ZBTB40: variants seen among roughly 807,000 people sequenced by gnomAD.
ZBTB40 encodes zinc finger and BTB domain containing 40, also known as zinc finger and BTB domain-containing protein 40.
A neutral mutation model predicts 117.5 loss-of-function variants in ZBTB40; 60 were observed. The ratio of observed to expected loss-of-function variants is 0.51; its 90% CI spans 0.41 to 0.63. ZBTB40 has a LOEUF of 0.63. Among genes scored for constraint, ZBTB40 ranks in the 30% least tolerant of loss-of-function variants. The pLI is 0.00. For synonymous variants in ZBTB40, 525 were observed against 577.1 expected (o/e 0.91, Z 1.29); for missense variants, 1,287 against 1,498.5 (o/e 0.86, Z 2.33).
At chr1:22,482,858 C>T (rs915612378) in intron 1 of ZBTB40, among the ~76,000 whole-genome samples, 2 of 152,116 alleles carry the variant, frequency 1.3e-5, no homozygotes, top group African/African-American at 2.4e-5. Context: ...GCAGGTGGAT[C>T]ACGAGGTCAG....
chr1:22,468,492 T>G (rs1199698961), intron 1 of ZBTB40, among the ~76,000 whole-genome samples: 1 of 105,504 alleles, frequency 9.5e-6, no homozygotes, highest in Non-Finnish European at 1.7e-5. Flanking sequence ...TTTTTTTTTT[T>G]GGAGACAGGA....
chr1:22,433,401 C>G (rs1401292227), intron 1 of ZBTB40, among the ~76,000 whole-genome samples: 44 of 92,952 alleles, frequency 4.7e-4, no homozygotes, highest in Admixed American at 3.2e-3. Flanking sequence ...CCACTGCACT[C>G]CAGCCTGGGC....
chr1:22,515,719 A>G (rs1395141539), intron 12 of ZBTB40, among the ~76,000 whole-genome samples: 1 of 152,180 alleles, frequency 6.6e-6, no homozygotes, highest in African/African-American at 2.4e-5. Flanking sequence ...ATCCAGTCAC[A>G]TTCACAAAGT....
At chr1:22,485,219 G>C (rs959334743) in intron 1 of ZBTB40, among the ~76,000 whole-genome samples, 1 of 152,040 alleles carries the variant, frequency 6.6e-6, no homozygotes, top group Non-Finnish European at 1.5e-5. Context: ...GTAGAGAATT[G>C]GTATAATTTC....
intron 3 of ZBTB40, among the ~76,000 whole-genome samples, chr1:22,494,530 C>T (rs1340309466): frequency 1.3e-5 from 2 of 152,250 alleles, no homozygotes; most frequent in East Asian, 3.9e-4. Context: ...AACAGGCTCC[C>T]CCATGGGTTG....
chr1:22,484,335 T>C (rs1180684813), intron 1 of ZBTB40, among the ~76,000 whole-genome samples: 1 of 152,228 alleles, frequency 6.6e-6, no homozygotes, highest in African/African-American at 2.4e-5. Context: ...CATCAGAGTT[T>C]TGTTGTTTTC....
chr1:22,490,368 A>G lies in ZBTB40; in HGVS notation c.420A>G (p.Glu140=). The change falls in exon 2 of 18, where the codon GAA becomes GAG. Residue 140 remains glutamate (E), a synonymous_variant. Coordinates refer to ENST00000375647, the MANE Select transcript of ZBTB40 (RefSeq NM_014870.4). Reference sequence around the variant, plus strand: ...CATCCTCAGAGACATTCAGAAAGGAACCAGAGAAGCCTCAAGTAGAAATCC... The same window carrying G: ...CATCCTCAGAGACATTCAGAAAGGAGCCAGAGAAGCCTCAAGTAGAAATCC... ...SAPSSETFRK[E]PEKPQVEILS... is the part of the protein sequence containing the mutation. 1.9e-6 allele frequency: 3 copies of G among 1,614,078 alleles called. No homozygotes were observed. Among genetic ancestry groups the G allele is most frequent in the Non-Finnish European group, 2.5e-6 (3 of 1,179,976 alleles).
chr1:22,480,634 G>A (rs1203996214), intron 1 of ZBTB40, among the ~76,000 whole-genome samples: 1 of 152,178 alleles, frequency 6.6e-6, no homozygotes, highest in East Asian at 1.9e-4. Context: ...ACAGGCGTGA[G>A]CCACCGCGCC....
rs780012881 is a variant in ZBTB40, at chr1:22,526,230, C to T, written c.3554C>T (p.Pro1185Leu). 6.2e-6 allele frequency: 10 copies of T among 1,614,172 alleles called. No individual in the cohort carries two copies. Among genetic ancestry groups the T allele is most frequent in the South Asian group, 5.5e-5 (5 of 91,076 alleles). Reference protein sequence around the residue: ...QVIQTPEPVAPTEQVITLEET... With the variant: ...QVIQTPEPVALTEQVITLEET... ...ATCCAAACCCCAGAGCCGGTGGCCC[C>T]GACAGAGCAGGTGATCACTTTGGAG... Residue 1185 changes from proline (P) to leucine (L), a missense_variant, in exon 18 of 18, where the codon CCG (proline) becomes CTG (leucine). By Grantham distance (98) the Pro-to-Leu change is moderately conservative (BLOSUM62 -3). This residue lies in a region of ZBTB40 where 417 missense variants were observed against 564.1 expected (regional missense o/e 0.74). Transcript: ENST00000375647.
chr1:22,455,933 G>T (rs750516375), intron 1 of ZBTB40, among the ~76,000 whole-genome samples: 1 of 152,098 alleles, frequency 6.6e-6, no homozygotes, highest in South Asian at 2.1e-4. Flanking sequence ...CTGTTGCCTC[G>T]TACTGAGTAT....
At chr1:22,467,304 C>A (rs1641280218) in intron 1 of ZBTB40, among the ~76,000 whole-genome samples, 1 of 152,120 alleles carries the variant, frequency 6.6e-6, no homozygotes, top group South Asian at 2.1e-4. Flanking sequence ...CTTTTCCCCA[C>A]CCTGCAAATT....
At chr1:22,522,619 A>G (rs1402651860) in intron 16 of ZBTB40, among the ~76,000 whole-genome samples, 156 bp downstream of exon 16, 5 of 152,204 alleles carry the variant, frequency 3.3e-5, no homozygotes, top group Non-Finnish European at 1.5e-5. Flanking sequence ...CCTGCCTCAT[A>G]GAGTAGTGTG....
chr1:22,452,419 C>T lies in ZBTB40; in HGVS notation c.-70+415C>T, dbSNP rs10917233. 0.37 allele frequency among the ~76,000 whole-genome samples: 55,700 copies of T among 152,224 alleles called. 12,108 individuals are homozygous for T. The highest frequency in any genetic ancestry group is 0.56 in the African/African-American group (23,374 of 41,528). On this transcript the variant is annotated intron_variant, in intron 1 of 17. Transcript: ENST00000375647. ...ATGCCCCCCTTCTCTCTTCCCCTCT[C>T]GGTCTTTGTTTACAGTTGCAAATGG...
chr1:22,523,193 C>T (rs891522279), intron 16 of ZBTB40, among the ~76,000 whole-genome samples: 11 of 151,788 alleles, frequency 7.2e-5, no homozygotes, highest in Admixed American at 2.6e-4. Context: ...CCTCATGATC[C>T]GCCCGCCTCA....
chr1:22,524,162 A>AT (rs1639612851), intron 16 of ZBTB40, 56 bp from the exon 17 acceptor site: 2 of 1,547,426 alleles, frequency 1.3e-6, no homozygotes, highest in Non-Finnish European at 1.8e-6. Context: ...CATTTCTCTC[A>AT]TTTTACCCAG....
At chr1:22,475,910 T>C (rs1641539965) in intron 1 of ZBTB40, among the ~76,000 whole-genome samples, 2 of 152,174 alleles carry the variant, frequency 1.3e-5, no homozygotes, top group African/African-American at 4.8e-5. Flanking sequence ...TATTGCTGGC[T>C]GAAGACTTAG....
At chr1:22,525,479 A>G (rs1292429768) in intron 17 of ZBTB40, among the ~76,000 whole-genome samples, 2 of 152,192 alleles carry the variant, frequency 1.3e-5, no homozygotes, top group Non-Finnish European at 2.9e-5. Flanking sequence ...TATCAAGGGC[A>G]TCTAGCTCTT....
chr1:22,449,810 G>A (rs1275993154), upstream of ZBTB40, among the ~76,000 whole-genome samples: 1 of 152,224 alleles, frequency 6.6e-6, no homozygotes, highest in East Asian at 1.9e-4. Context: ...GTCTTGTTAA[G>A]TGGAACAGGA....
At position 22,499,575 on chromosome 1, in the gene ZBTB40, A is replaced by G. The variant is rs111540115; in HGVS notation, c.832-1917A>G. The stretch of plus-strand genomic sequence containing the variant: ...TCATTTTTTGTTTATTATTTTTTAA[A>G]TACAAGATGAGTTACCTTAGGTTCT... On this transcript the variant is annotated intron_variant, in intron 3 of 17. Coordinates refer to ENST00000375647, the MANE Select transcript of ZBTB40 (RefSeq NM_014870.4). 9.1e-4 allele frequency among the ~76,000 whole-genome samples: 138 copies of G among 152,344 alleles called. 1 individual carries two copies. The highest frequency in any genetic ancestry group is 3.2e-3 in the African/African-American group (133 of 41,592).
Sources: allele counts gnomAD v4.1 joint callset (sites outside exome capture counted in the v4.1 genomes callset), GRCh38; gene constraint gnomAD v4.1.1; regional missense constraint gnomAD v4.1.1; transcripts MANE v1.5; gene names NCBI Gene and HGNC (gene_info 2026-07-23, HGNC 2026-07-21).